Variants in SYN3 observed in about 807,000 individuals in gnomAD.
SYN3 encodes synapsin III, also known as synapsin-3.
A neutral mutation model predicts 65.8 loss-of-function variants in SYN3; 35 were observed. The ratio of observed to expected loss-of-function variants is 0.53; its 90% CI spans 0.41 to 0.70. The LOEUF (loss-of-function observed/expected upper bound fraction) is 0.70, where lower values mean the gene tolerates loss of function less well. SYN3 is among the 30% of genes least tolerant of loss of function. The probability of loss-of-function intolerance (pLI) is 0.00; values close to 1 mark genes in which losing one functional copy is unlikely to be tolerated. For synonymous variants in SYN3, 270 were observed against 292.9 expected, an observed-to-expected ratio of 0.92 and a Z score of 0.80; for missense variants, 680 against 749.0, an observed-to-expected ratio of 0.91 and a Z score of 1.08.
At chr22:32,615,504 C>A (rs1241678712) in intron 6 of SYN3, among the ~76,000 whole-genome samples, 2 of 141,546 alleles carry the variant, frequency 1.4e-5, no homozygotes, top group African/African-American at 2.7e-5. Context: ...GAGGGAACAA[C>A]AGGGGCACAG....
chr22:32,914,507 G>A (rs1382948360), intron 4 of SYN3, among the ~76,000 whole-genome samples: 1 of 151,108 alleles, frequency 6.6e-6, no homozygotes, highest in Non-Finnish European at 1.5e-5. Context: ...GCACAATCTC[G>A]GCTCACTGCC....
rs1240785620 is a variant in SYN3 at position 32,752,775 on chromosome 22, T to A, written c.711+112140A>T. On this transcript the variant is annotated intron_variant, in intron 6 of 13. Transcript: ENST00000358763. ...CTCTGATCGACAGGAGATCAGAGAG[T>A]TCCTGAAGCAGAGATGGTGGGGCAA... Among the ~76,000 whole-genome samples the A allele has an allele frequency of 2.6e-5, 4 of 151,544 alleles. No individual in the cohort carries two copies. The South Asian group carries it at 8.4e-4, about 32-fold the overall frequency.
Position 32,511,131 on chromosome 22 carries a change from T to C in SYN3, c.*2561A>G, listed in dbSNP as rs1300037232. Among the ~76,000 whole-genome samples, 1 of 152,168 alleles carries C rather than the reference T, an allele frequency of 6.6e-6. No homozygotes were observed. The highest frequency in any genetic ancestry group is 2.4e-5 in the African/African-American group (1 of 41,436). On this transcript the variant is annotated 3_prime_UTR_variant, in exon 14 of 14. Coordinates refer to ENST00000358763, the MANE Select transcript of SYN3 (RefSeq NM_003490.4). Reference sequence around the variant, plus strand: ...AACTTTAAAAGGTACCCACATCTGATATTTTGAATTTCACCTCCCGTCTCT... The same window carrying C: ...AACTTTAAAAGGTACCCACATCTGACATTTTGAATTTCACCTCCCGTCTCT...
At chr22:32,582,047 C>T (rs759081228) in intron 7 of SYN3, among the ~76,000 whole-genome samples, 8 of 152,100 alleles carry the variant, frequency 5.3e-5, no homozygotes, top group Non-Finnish European at 8.8e-5. Flanking sequence ...ATCCACCCAT[C>T]TCGGCCTCCC....
intron 6 of SYN3, among the ~76,000 whole-genome samples, chr22:32,719,794 G>C (rs2061090733): frequency 6.6e-6 from 1 of 152,200 alleles, no homozygotes; most frequent in African/African-American, 2.4e-5. Context: ...GTTATAGTGA[G>C]CTATGACTGC....
chr22:32,811,809 A>C (rs2046924268), intron 6 of SYN3, among the ~76,000 whole-genome samples: 1 of 152,238 alleles, frequency 6.6e-6, no homozygotes. Flanking sequence ...TTCTGAGGGC[A>C]AGCCCAACAC....
intron 6 of SYN3, among the ~76,000 whole-genome samples, chr22:32,807,817 C>T (rs1231653890): frequency 6.6e-6 from 1 of 151,904 alleles, no homozygotes; most frequent in East Asian, 1.9e-4. Flanking sequence ...TTTAATAGTT[C>T]CTGCCAATTT....
chr22:33,048,574 C>A (rs1392529158), intron 1 of SYN3, among the ~76,000 whole-genome samples: 3 of 151,966 alleles, frequency 2.0e-5, no homozygotes, highest in Non-Finnish European at 2.9e-5. Flanking sequence ...TTAATAGGAG[C>A]CTGGCACGTA....
intron 1 of SYN3, among the ~76,000 whole-genome samples, chr22:33,055,011 A>T (rs2054232042): frequency 6.6e-6 from 1 of 152,142 alleles, no homozygotes; most frequent in South Asian, 2.1e-4. Flanking sequence ...CCCAGACACC[A>T]ATATATATCT....
At chr22:32,796,880 G>A (rs2046442131) in intron 6 of SYN3, among the ~76,000 whole-genome samples, 1 of 152,156 alleles carries the variant, frequency 6.6e-6, no homozygotes, top group African/African-American at 2.4e-5. Context: ...ACCGCCCTAA[G>A]GCCCCCAAAC....
intron 3 of SYN3, among the ~76,000 whole-genome samples, chr22:32,940,595 C>T (rs149962970): frequency 5.9e-5 from 9 of 152,236 alleles, no homozygotes; most frequent in African/African-American, 1.9e-4. Context: ...TATTCATATA[C>T]TTTGGTACCA....
intron 6 of SYN3, among the ~76,000 whole-genome samples, chr22:32,794,937 C>T (rs900823472): frequency 3.3e-5 from 5 of 152,086 alleles, no homozygotes; most frequent in Admixed American, 1.3e-4. Context: ...TCAGAGAAAC[C>T]GATAGCTGGA....
intron 4 of SYN3, among the ~76,000 whole-genome samples, chr22:32,930,554 ACT>A (rs1158794603): frequency 6.7e-6 from 1 of 148,974 alleles, no homozygotes; most frequent in Non-Finnish European, 1.5e-5. Context: ...GCTGTTTCCT[ACT>A]CTTAGGATAT....
chr22:32,984,161 CAA>C (rs35678412), intron 2 of SYN3, among the ~76,000 whole-genome samples: 26,476 of 92,828 alleles, frequency 0.29, 2,424 homozygotes, highest in Non-Finnish European at 0.31. Context: ...AAACTCCATC[CAA>C]AAAAAAAAAA....
At chr22:32,806,649 A>G (rs1267477045) in intron 6 of SYN3, among the ~76,000 whole-genome samples, 1 of 152,166 alleles carries the variant, frequency 6.6e-6, no homozygotes, top group Non-Finnish European at 1.5e-5. Context: ...TTATTTATAC[A>G]AGGGGAATAA....
At chr22:32,720,367 C>T (rs972796740) in intron 6 of SYN3, among the ~76,000 whole-genome samples, 4 of 152,234 alleles carry the variant, frequency 2.6e-5, no homozygotes, top group Admixed American at 6.5e-5. Context: ...ATTTGACCCT[C>T]ATTACATGCC....
At chr22:33,030,615 A>T (rs1359512251) in intron 1 of SYN3, among the ~76,000 whole-genome samples, 1 of 152,032 alleles carries the variant, frequency 6.6e-6, no homozygotes, top group Admixed American at 6.5e-5. Flanking sequence ...ATAGATAAAA[A>T]TAAACACAGA....
chr22:33,035,043 G>T (rs2053827429), intron 1 of SYN3, among the ~76,000 whole-genome samples: 1 of 152,144 alleles, frequency 6.6e-6, no homozygotes, highest in Admixed American at 6.5e-5. Flanking sequence ...TCAGTGGCAA[G>T]TATGGGGACA....
intron 6 of SYN3, among the ~76,000 whole-genome samples, chr22:32,812,498 T>C (rs2046941775): frequency 2.6e-5 from 4 of 152,148 alleles, no homozygotes; most frequent in Admixed American, 1.3e-4. Flanking sequence ...CTGTCACTGA[T>C]TGTGGGAGGG....
Sources: gnomAD v4.1 joint callset for allele counts (sites outside exome capture counted in the v4.1 genomes callset) on GRCh38, gnomAD v4.1.1 for gene constraint, MANE v1.5 for transcripts, NCBI Gene and HGNC (gene_info 2026-07-23, HGNC 2026-07-21) for gene names.